PAMR1: variants seen among roughly 807,000 people sequenced by gnomAD.
The protein encoded by PAMR1 is peptidase domain containing associated with muscle regeneration 1.
In PAMR1, 88 loss-of-function variants were observed where a neutral mutation model predicts 81.8. That is an observed-to-expected ratio of 1.08 (90% confidence interval 0.91 to 1.28). The LOEUF is 1.28. Ranked by LOEUF, PAMR1 falls within the 50% of genes most tolerant of loss-of-function variation. PAMR1 has a pLI of 0.00. For missense variants in PAMR1, 935 were observed against 919.7 expected (o/e 1.02, Z -0.21); for synonymous variants, 336 against 345.3 (o/e 0.97, Z 0.30).
intron 1 of PAMR1, among the ~76,000 whole-genome samples, chr11:35,509,603 A>C (rs1851036724): frequency 6.6e-6 from 1 of 152,240 alleles, no homozygotes; most frequent in Non-Finnish European, 1.5e-5. Context: ...GTTGCTAATA[A>C]ATTTTATTTT....
chr11:35,459,562 C>G (rs977846644), intron 6 of PAMR1, among the ~76,000 whole-genome samples: 1 of 152,112 alleles, frequency 6.6e-6, no homozygotes, highest in Non-Finnish European at 1.5e-5. Flanking sequence ...AAGAAATGGC[C>G]TGAGCTGGGC....
chr11:35,467,313 T>C (rs1029889588), intron 6 of PAMR1, among the ~76,000 whole-genome samples: 3 of 152,166 alleles, frequency 2.0e-5, no homozygotes, highest in African/African-American at 7.2e-5. Flanking sequence ...GTACACATTC[T>C]CAACTCACGA....
chr11:35,485,195 C>T (rs1850475773), intron 3 of PAMR1, among the ~76,000 whole-genome samples: 1 of 151,908 alleles, frequency 6.6e-6, no homozygotes, highest in Non-Finnish European at 1.5e-5. Context: ...CTTAACGGGC[C>T]AAATCTGAAA....
chr11:35,474,054 G>T (rs994526376), intron 4 of PAMR1, among the ~76,000 whole-genome samples: 1 of 152,180 alleles, frequency 6.6e-6, no homozygotes, highest in African/African-American at 2.4e-5. Context: ...CAGGACCCTC[G>T]TGTAGCATTT....
At chr11:35,478,601 C>G (rs1214400134) in intron 3 of PAMR1, among the ~76,000 whole-genome samples, 1 of 152,284 alleles carries the variant, frequency 6.6e-6, no homozygotes, top group East Asian at 1.9e-4. Flanking sequence ...CCTCTCCACT[C>G]TTGCCTCTAC....
At chr11:35,491,960 C>T (rs1850634476) in intron 3 of PAMR1, 85 bp downstream of exon 3, 1 of 1,248,614 alleles carries the variant, frequency 8.0e-7, no homozygotes, top group Admixed American at 2.7e-5. Context: ...AACTCAGATT[C>T]CAAGGAGATA....
intron 1 of PAMR1, among the ~76,000 whole-genome samples, chr11:35,518,607 T>C (rs1480276116): frequency 1.3e-5 from 2 of 150,858 alleles, no homozygotes; most frequent in East Asian, 4.1e-4. Flanking sequence ...AACTGATTAC[T>C]TCAAGTTGTT....
At chr11:35,493,577 C>T (rs991092969) in intron 2 of PAMR1, among the ~76,000 whole-genome samples, 15 of 152,156 alleles carry the variant, frequency 9.9e-5, no homozygotes, top group African/African-American at 3.6e-4. Context: ...GGCTTGACTT[C>T]TCCTCCCCAT....
Position 35,492,091 on chromosome 11 carries a change from G to C in PAMR1, c.333C>G (p.Phe111Leu), listed in dbSNP as rs777106646. The C allele has an allele frequency of 6.2e-7, 1 of 1,613,980 alleles. No homozygotes were observed. Among genetic ancestry groups the C allele is most frequent in the African/African-American group, 1.3e-5 (1 of 74,918 alleles). Residue 111 changes from phenylalanine to leucine, a missense_variant, in exon 3 of 11, where the codon TTC becomes TTG. By Grantham distance (22) the Phe-to-Leu change is conservative. Transcript: ENST00000619888. ...AGCCTGCTCGGCACTCTGCACAGTA[G>C]AACCCCTTCACATAGAAGTCATCCA... ...GTLDDFYVKG[F>L]YCAECRAGWY...
chr11:35,521,762 A>C (rs1681707367), intron 1 of PAMR1, among the ~76,000 whole-genome samples: 1 of 152,196 alleles, frequency 6.6e-6, no homozygotes, highest in African/African-American at 2.4e-5. Context: ...GTGTGAATAT[A>C]TGTCCTCCAG....
chr11:35,475,300 C>A (rs1490234907), intron 3 of PAMR1, among the ~76,000 whole-genome samples: 1 of 152,210 alleles, frequency 6.6e-6, no homozygotes, highest in East Asian at 1.9e-4. Context: ...TGATTTCCAA[C>A]CAGTTGGACT....
chr11:35,448,995 T>C (rs1856355612), intron 6 of PAMR1, among the ~76,000 whole-genome samples: 1 of 152,214 alleles, frequency 6.6e-6, no homozygotes, highest in South Asian at 2.1e-4. Flanking sequence ...AAAGCAAAGA[T>C]GGCTGCCTGC....
chr11:35,505,308 T>C (rs1350667930), intron 1 of PAMR1, among the ~76,000 whole-genome samples: 1 of 152,108 alleles, frequency 6.6e-6, no homozygotes, highest in Non-Finnish European at 1.5e-5. Flanking sequence ...AAATAATGTG[T>C]ATTCTGTAGC....
chr11:35,454,995 C>G (rs1446498498), intron 6 of PAMR1, among the ~76,000 whole-genome samples: 2 of 152,136 alleles, frequency 1.3e-5, no homozygotes, highest in African/African-American at 2.4e-5. Context: ...AGCAAGTAAC[C>G]TTTTTACAAG....
At chr11:35,460,974 G>T (rs1856642170) in intron 6 of PAMR1, among the ~76,000 whole-genome samples, 2 of 152,182 alleles carry the variant, frequency 1.3e-5, no homozygotes, top group African/African-American at 4.8e-5. Context: ...TCCAGCACCT[G>T]TTGTTTCCTG....
intron 6 of PAMR1, 104 bp downstream of exon 6, chr11:35,467,897 A>C: frequency 1.5e-6 from 1 of 677,950 alleles, no homozygotes; most frequent in Non-Finnish European, 2.6e-6. Flanking sequence ...CATCTTGGAC[A>C]GAGCATCCTA....
intron 6 of PAMR1, among the ~76,000 whole-genome samples, chr11:35,452,753 A>T (rs941772002): frequency 6.6e-6 from 1 of 152,188 alleles, no homozygotes; most frequent in Non-Finnish European, 1.5e-5. Flanking sequence ...CAAGTGTCTA[A>T]ATCTAGCATT....
intron 1 of PAMR1, among the ~76,000 whole-genome samples, chr11:35,510,050 G>A (rs944453638): frequency 1.3e-5 from 2 of 152,138 alleles, no homozygotes; most frequent in Non-Finnish European, 2.9e-5. Flanking sequence ...TCAAGCTTAG[G>A]GAGTTCTGGG....
chr11:35,528,390 A>C (rs539522412), upstream of PAMR1, among the ~76,000 whole-genome samples: 1 of 152,208 alleles, frequency 6.6e-6, no homozygotes, highest in African/African-American at 2.4e-5. Context: ...TAGGACCCCC[A>C]TTTATTTATC....
Sources: allele counts gnomAD v4.1 joint callset (sites outside exome capture counted in the v4.1 genomes callset), GRCh38; gene constraint gnomAD v4.1.1; transcripts MANE v1.5; gene names NCBI Gene and HGNC (gene_info 2026-07-23, HGNC 2026-07-21).